ZNF704: variants seen among roughly 807,000 people sequenced by gnomAD.
ZNF704 encodes the protein zinc finger protein 704.
A neutral mutation model predicts 44.7 loss-of-function variants in ZNF704; 10 were observed. The ratio of observed to expected loss-of-function variants is 0.22; its 90% CI spans 0.14 to 0.38. The LOEUF is 0.38. ZNF704 is among the 10% of genes least tolerant of loss of function. The probability of loss-of-function intolerance (pLI) is 1.00; values close to 1 mark genes in which losing one functional copy is unlikely to be tolerated. For missense variants in ZNF704, 390 were observed against 545.5 expected (o/e 0.71, Z 2.84); for synonymous variants, 211 against 207.6 (o/e 1.02, Z -0.14).
chr8:80,766,446 C>T (rs556559955), intron 2 of ZNF704, among the ~76,000 whole-genome samples: 1 of 152,298 alleles, frequency 6.6e-6, no homozygotes, highest in South Asian at 2.1e-4. Context: ...CACCCCTGTC[C>T]TTTCCTGGGG....
At chr8:80,656,492 T>C (rs1380483713) in intron 7 of ZNF704, among the ~76,000 whole-genome samples, 1 of 151,978 alleles carries the variant, frequency 6.6e-6, no homozygotes, top group Admixed American at 6.6e-5. Context: ...TCAAAGAAAG[T>C]TGTAATTAAG....
intron 1 of ZNF704, among the ~76,000 whole-genome samples, chr8:80,824,672 G>A (rs1808340687): frequency 6.6e-6 from 1 of 152,214 alleles, no homozygotes; most frequent in Non-Finnish European, 1.5e-5. Flanking sequence ...GGCAGCCAGA[G>A]AGAAAAGTTG....
chr8:80,879,567 G>C (rs1447468850), upstream of ZNF704, among the ~76,000 whole-genome samples: 1 of 152,030 alleles, frequency 6.6e-6, no homozygotes, highest in African/African-American at 2.4e-5. Context: ...CTGTATCTTA[G>C]GACTGCCATC....
In ZNF704 at chr8:80,670,494, C is replaced by A; in HGVS notation, c.659+9G>T. The A allele has an allele frequency of 6.2e-7, 1 of 1,608,538 alleles. No individual in the cohort carries two copies. The highest frequency in any genetic ancestry group is 8.5e-7 in the Non-Finnish European group (1 of 1,175,160). On this transcript the variant is annotated intron_variant, in intron 5 of 8. Coordinates refer to ENST00000327835, the MANE Select transcript of ZNF704 (RefSeq NM_001033723.3). ...GGGGGCTGCATCCCTGAAGAGAGAGCTGCCTTACCCCAGATGGATGGTTCG... is the reference window on the plus strand; with the variant it reads ...GGGGGCTGCATCCCTGAAGAGAGAGATGCCTTACCCCAGATGGATGGTTCG...
At chr8:80,727,685 G>A (rs1421048529) in intron 2 of ZNF704, among the ~76,000 whole-genome samples, 1 of 152,014 alleles carries the variant, frequency 6.6e-6, no homozygotes, top group Non-Finnish European at 1.5e-5. Flanking sequence ...ATGAGACCCC[G>A]CCCCGATGAG....
intron 1 of ZNF704, among the ~76,000 whole-genome samples, chr8:80,847,277 T>A (rs1808783095): frequency 6.6e-6 from 1 of 152,166 alleles, no homozygotes; most frequent in Admixed American, 6.5e-5. Context: ...CAAAGACATA[T>A]TCAGGATCTA....
intron 2 of ZNF704, among the ~76,000 whole-genome samples, chr8:80,818,962 T>C (rs1393106643): frequency 1.3e-5 from 2 of 152,170 alleles, no homozygotes; most frequent in African/African-American, 4.8e-5. Flanking sequence ...TAATCCACAA[T>C]GCTTGATTCC....
At chr8:80,801,828 T>C (rs890250400) in intron 2 of ZNF704, among the ~76,000 whole-genome samples, 3 of 150,484 alleles carry the variant, frequency 2.0e-5, no homozygotes, top group East Asian at 2.0e-4. Context: ...AAGATCAGAG[T>C]TGAACTGAAG....
chr8:80,875,982 A>G (rs1243047833), upstream of ZNF704, among the ~76,000 whole-genome samples: 3 of 152,144 alleles, frequency 2.0e-5, no homozygotes, highest in Non-Finnish European at 4.4e-5. Context: ...TCTCTACCTT[A>G]TCCCTAGAGG....
At chr8:80,860,735 T>C (rs975689276) in intron 1 of ZNF704, among the ~76,000 whole-genome samples, 2 of 152,206 alleles carry the variant, frequency 1.3e-5, no homozygotes, top group African/African-American at 4.8e-5. Flanking sequence ...ACAAGATGCA[T>C]GTACATACTG....
At chr8:80,665,900 T>G (rs1486593637) in intron 5 of ZNF704, among the ~76,000 whole-genome samples, 1 of 151,926 alleles carries the variant, frequency 6.6e-6, no homozygotes, top group African/African-American at 2.4e-5. Flanking sequence ...CTGTGAACCA[T>G]GAGCCAATTA....
rs115186142 is a variant in ZNF704, at chr8:80,725,622, C to T, written c.222-32515G>A. Among the ~76,000 whole-genome samples, 495 of 152,168 alleles carry T rather than the reference C, an allele frequency of 3.3e-3. 3 individuals carry two copies. The highest frequency in any genetic ancestry group is 0.011 in the African/African-American group (467 of 41,526). On this transcript the variant is annotated intron_variant, in intron 2 of 8. Coordinates refer to ENST00000327835, the MANE Select transcript of ZNF704 (RefSeq NM_001033723.3). The stretch of plus-strand genomic sequence containing the variant: ...CCCAGCAGAGAGGCTTCTGAATGAC[C>T]TTGATTTGTCCAAGATGATGATGTC...
Position 80,692,890 on chromosome 8 carries a change from C to T in ZNF704, c.325+114G>A, listed in dbSNP as rs533637536. 38 of 912,936 alleles carry T rather than the reference C, an allele frequency of 4.2e-5. No individual in the cohort carries two copies. The African/African-American group carries it at 6.1e-4, about 15-fold the overall frequency. The allele number at this position is 912,936 out of a possible 1,614,324, so 56.6% of individuals were successfully genotyped here. On this transcript the variant is annotated intron_variant, in intron 3 of 8. Transcript: ENST00000327835. ...CTTCCACGTTTCTCTTTGCTTCCTG[C>T]TAATGGGTGAGGGTCAGTGGTTCAT...
In ZNF704 at chr8:80,628,717, A is replaced by C. The variant is rs2131576165; in HGVS notation, c.*12649T>G. On this transcript the variant is annotated 3_prime_UTR_variant, in exon 9 of 9. Transcript: ENST00000327835. ...AAGCATTACAGAACAGAAAAGTCCAAGGACCAGAAGACGATTACTAAAGTG... is the reference window on the plus strand; with the variant it reads ...AAGCATTACAGAACAGAAAAGTCCACGGACCAGAAGACGATTACTAAAGTG... 1 of 152,380 alleles carries C rather than the reference A, an allele frequency of 6.6e-6. No individual in the cohort carries two copies. The highest frequency in any genetic ancestry group is 2.4e-5 in the African/African-American group (1 of 41,594). The allele number at this position is 152,380 out of a possible 1,614,324, so 9.4% of individuals were successfully genotyped here. A position where few individuals can be genotyped will look rare whatever the true frequency, so the allele number is the denominator to read the frequency against.
intron 1 of ZNF704, among the ~76,000 whole-genome samples, chr8:80,838,610 A>C (rs893014824): frequency 6.7e-6 from 1 of 148,490 alleles, no homozygotes; most frequent in Non-Finnish European, 1.5e-5. Flanking sequence ...GGAGGAAGAG[A>C]GCAGACCCTG....
intron 1 of ZNF704, among the ~76,000 whole-genome samples, chr8:80,849,919 C>T (rs1808829725): frequency 6.6e-6 from 1 of 152,162 alleles, no homozygotes; most frequent in African/African-American, 2.4e-5. Context: ...CTGTTGCTGT[C>T]AATAAAATAT....
chr8:80,737,414 C>T (rs1806685551), intron 2 of ZNF704, among the ~76,000 whole-genome samples: 1 of 152,182 alleles, frequency 6.6e-6, no homozygotes, highest in Non-Finnish European at 1.5e-5. Context: ...GGTAGGGGAA[C>T]CTAGTCCCTT....
At chr8:80,672,063 A>G (rs1457710643) in intron 4 of ZNF704, among the ~76,000 whole-genome samples, 1 of 152,228 alleles carries the variant, frequency 6.6e-6, no homozygotes, top group Non-Finnish European at 1.5e-5. Flanking sequence ...TACAGCTAGA[A>G]AAAAACATTA....
chr8:80,684,132 G>T (rs531553761), intron 4 of ZNF704, among the ~76,000 whole-genome samples: 15 of 152,194 alleles, frequency 9.9e-5, no homozygotes, highest in Non-Finnish European at 2.2e-4. Flanking sequence ...TCAGAGAGGT[G>T]AAATGATATT....
Sources: allele counts gnomAD v4.1 joint callset (sites outside exome capture counted in the v4.1 genomes callset), GRCh38; gene constraint gnomAD v4.1.1; transcripts MANE v1.5; gene names NCBI Gene and HGNC (gene_info 2026-07-23, HGNC 2026-07-21).